PAG1: variants seen among roughly 807,000 people sequenced by gnomAD.
PAG1 encodes the protein phosphoprotein membrane anchor with glycosphingolipid microdomains 1.
A neutral mutation model predicts 31.7 loss-of-function variants in PAG1; 23 were observed. The observed-to-expected ratio is 0.73, with a 90% CI of 0.52 to 1.03. PAG1 has a LOEUF of 1.03. Ranked by LOEUF, PAG1 falls within the 50% of genes least tolerant of loss-of-function variation. PAG1 has a pLI of 0.00. For synonymous variants in PAG1, 214 were observed against 210.3 expected (o/e 1.02, Z -0.15); for missense variants, 473 against 540.7 (o/e 0.87, Z 1.24).
intron 3 of PAG1, among the ~76,000 whole-genome samples, chr8:81,029,617 CT>C (rs1281110764): frequency 6.6e-6 from 1 of 152,156 alleles, no homozygotes; most frequent in East Asian, 1.9e-4. Flanking sequence ...ATTTTAACCT[CT>C]AAAGGAAACT....
At chr8:81,029,388 A>ACACACC (rs1563635400) in intron 3 of PAG1, among the ~76,000 whole-genome samples, 2 of 146,682 alleles carry the variant, frequency 1.4e-5, no homozygotes, top group African/African-American at 2.5e-5. Flanking sequence ...ACACACACAC[A>ACACACC]CCCCTCCCCA....
At chr8:81,106,993 TAA>T (rs1217618947) in intron 1 of PAG1, among the ~76,000 whole-genome samples, 1 of 152,200 alleles carries the variant, frequency 6.6e-6, no homozygotes, top group African/African-American at 2.4e-5. Context: ...TAGATTTAAA[TAA>T]ACTTATTTTT....
At chr8:81,040,323 C>T (rs1808533226) in intron 2 of PAG1, among the ~76,000 whole-genome samples, 1 of 152,132 alleles carries the variant, frequency 6.6e-6, no homozygotes, top group African/African-American at 2.4e-5. Context: ...AATCACACGG[C>T]TATCTGAGGT....
intron 2 of PAG1, among the ~76,000 whole-genome samples, chr8:81,049,160 T>C (rs950243572): frequency 2.0e-5 from 3 of 152,170 alleles, no homozygotes; most frequent in African/African-American, 7.2e-5. Context: ...CATATACCGA[T>C]AGATTTTCTT....
At chr8:81,066,207 T>C (rs1241899668) in intron 2 of PAG1, among the ~76,000 whole-genome samples, 2 of 152,228 alleles carry the variant, frequency 1.3e-5, no homozygotes, top group Non-Finnish European at 2.9e-5. Flanking sequence ...TCAGACACAA[T>C]CATGGCTTGG....
intron 6 of PAG1, among the ~76,000 whole-genome samples, chr8:80,986,275 A>G (rs1349277617): frequency 6.6e-6 from 1 of 152,180 alleles, no homozygotes; most frequent in East Asian, 1.9e-4. Context: ...ATCCCTGATC[A>G]TCACGGAGGG....
rs1347352143 is a variant in PAG1, at chr8:80,985,343, C to T, written c.309G>A (p.Gln103=). Residue 103 remains glutamine (Q), a synonymous_variant, in exon 7 of 9, where the codon CAG becomes CAA. Coordinates refer to ENST00000220597, the MANE Select transcript of PAG1 (RefSeq NM_018440.4). ...CCGATGTCTGGACTTCCTCGTAATG[C>T]TGCATGCAGGTCAGAGTACTGTCCT... ...LSEDSTLTCM[Q]HYEEVQTSAS... is the part of the protein sequence containing the mutation. 3 of 1,613,894 alleles carry T rather than the reference C, an allele frequency of 1.9e-6. No homozygotes were observed. In the East Asian group the frequency reaches 6.7e-5, roughly 36 times the overall value.
intron 1 of PAG1, among the ~76,000 whole-genome samples, chr8:81,072,264 C>T (rs1040203878): frequency 6.6e-6 from 1 of 152,226 alleles, no homozygotes; most frequent in African/African-American, 2.4e-5. Context: ...CCCACTGTGT[C>T]CTCAGCCAGT....
intron 8 of PAG1, among the ~76,000 whole-genome samples, chr8:80,979,718 GA>G: frequency 6.6e-6 from 1 of 152,126 alleles, no homozygotes; most frequent in South Asian, 2.1e-4. Flanking sequence ...AGGAATTCCA[GA>G]TAGAAGCTAT....
In PAG1 at chr8:80,967,883, T is replaced by A. The variant is rs1586126862; in HGVS notation, c.*8661A>T. 1 of 152,368 alleles carries A rather than the reference T, an allele frequency of 6.6e-6. No individual in the cohort carries two copies. The highest frequency in any genetic ancestry group is 1.5e-5 in the Non-Finnish European group (1 of 68,030). The allele number at this position is 152,368 out of a possible 1,614,324, so 9.4% of individuals were successfully genotyped here. A position where few individuals can be genotyped will look rare whatever the true frequency, so the allele number is the denominator to read the frequency against. ...TTGATAAGTGCCTTTAATTACAACA[T>A]ACCTGCTATTTACATGTAATCATAC... On this transcript the variant is annotated 3_prime_UTR_variant, in exon 9 of 9. Transcript: ENST00000220597.
At chr8:81,016,850 G>A (rs890200409) in intron 3 of PAG1, among the ~76,000 whole-genome samples, 4 of 152,166 alleles carry the variant, frequency 2.6e-5, no homozygotes, top group African/African-American at 9.7e-5. Context: ...GGCCTAAGGT[G>A]CCGTGGATAC....
intron 3 of PAG1, among the ~76,000 whole-genome samples, chr8:80,999,201 C>G (rs1807741649): frequency 6.6e-6 from 1 of 152,220 alleles, no homozygotes; most frequent in Non-Finnish European, 1.5e-5. Context: ...ACACTGAACT[C>G]TGCACGGATG....
In PAG1 at chr8:81,047,222, G is replaced by T. The variant is rs112363346; in HGVS notation, c.-174-17133C>A. ...TGGGTATATACCCAGTAATGGGGTTGCTGGGTTAAATGTATTTCTGCCTCT... is the reference window on the plus strand; with the variant it reads ...TGGGTATATACCCAGTAATGGGGTTTCTGGGTTAAATGTATTTCTGCCTCT... On this transcript the variant is annotated intron_variant, in intron 2 of 8. Transcript: ENST00000220597. Among the ~76,000 whole-genome samples, 547 of 152,296 alleles carry T rather than the reference G, an allele frequency of 3.6e-3. 5 individuals are homozygous for T. Among genetic ancestry groups the T allele is most frequent in the African/African-American group, 0.012 (511 of 41,560 alleles).
At chr8:81,087,219 T>C (rs1809373987) in intron 1 of PAG1, among the ~76,000 whole-genome samples, 1 of 151,998 alleles carries the variant, frequency 6.6e-6, no homozygotes, top group Non-Finnish European at 1.5e-5. Flanking sequence ...GGCATGTGCC[T>C]GTAATCCCAG....
At chr8:81,001,040 C>T (rs1056167504) in intron 3 of PAG1, among the ~76,000 whole-genome samples, 4 of 152,194 alleles carry the variant, frequency 2.6e-5, no homozygotes, top group Non-Finnish European at 5.9e-5. Flanking sequence ...ATTGTTGGCT[C>T]TCTTTCCAAC....
chr8:81,038,398 T>C (rs2130822388), intron 2 of PAG1, among the ~76,000 whole-genome samples: 1 of 152,278 alleles, frequency 6.6e-6, no homozygotes, highest in East Asian at 1.9e-4. Flanking sequence ...CTGGCTGGGC[T>C]GTTTGTGTTG....
Position 81,095,816 on chromosome 8 carries a change from A to G in PAG1, c.-234+15775T>C, listed in dbSNP as rs562648087. ...CCAGCCTTGGCAAGGTTCTCACACT[A>G]TATGTGTAAGGCTGATAAATACAAA... On this transcript the variant is annotated intron_variant, in intron 1 of 8. Coordinates refer to ENST00000220597, the MANE Select transcript of PAG1 (RefSeq NM_018440.4). Among the ~76,000 whole-genome samples, 129 of 152,314 alleles carry G rather than the reference A, an allele frequency of 8.5e-4. 1 individual carries two copies. In the South Asian group the frequency reaches 0.019, roughly 22 times the overall value.
At chr8:81,000,357 A>G (rs1334834058) in intron 3 of PAG1, among the ~76,000 whole-genome samples, 1 of 152,200 alleles carries the variant, frequency 6.6e-6, no homozygotes, top group Admixed American at 6.5e-5. Flanking sequence ...AGGGAAGGAG[A>G]GTAATAGGGA....
chr8:81,030,129 T>C (rs1808355249), intron 2 of PAG1, 40 bp from the exon 3 acceptor site: 2 of 152,248 alleles, frequency 1.3e-5, no homozygotes, highest in African/African-American at 2.4e-5. Flanking sequence ...AAAAGGCAGA[T>C]GGATATACAC....
Sources: gnomAD v4.1 joint callset for allele counts (sites outside exome capture counted in the v4.1 genomes callset) on GRCh38, gnomAD v4.1.1 for gene constraint, MANE v1.5 for transcripts, NCBI Gene and HGNC (gene_info 2026-07-23, HGNC 2026-07-21) for gene names.